The following USP19 variants were observed in gnomAD, a reference collection of about 807,000 sequenced individuals.
USP19 encodes ubiquitin specific peptidase 19.
Under a neutral mutation model 144.8 loss-of-function variants are expected in USP19, and 40 were observed. That is an observed-to-expected ratio of 0.28 (90% CI 0.21 to 0.36). The LOEUF (loss-of-function observed/expected upper bound fraction) is 0.36. Ranked by LOEUF, USP19 falls within the 10% of genes least tolerant of loss-of-function variation. USP19 has a pLI of 1.00. For synonymous variants in USP19, 701 were observed against 709.3 expected (o/e 0.99, Z 0.19); for missense variants, 1,518 against 1,822.5 (o/e 0.83, Z 3.04).
At position 49,117,938 on chromosome 3, in the gene USP19, G is replaced by A. The variant is rs1157954474; in HGVS notation, c.298+9C>T. 3.1e-6 allele frequency: 5 copies of A among 1,612,890 alleles called. No homozygotes were observed. The highest frequency in any genetic ancestry group is 1.1e-5 in the South Asian group (1 of 90,998). ...TTCCCTAGCAACAAAAAGCCCATTC[G>A]TTACTGACCCTCTTTGGTCTGCTCC... is the stretch of plus-strand genomic sequence containing the variant. On this transcript the variant is annotated intron_variant, in intron 3 of 26. Transcript: ENST00000417901. This position sits in a 1 kb window ranked among gnomAD's most constrained non-coding sequence, Gnocchi z 4.4.
chr3:49,119,360 G>A, intron 1 of USP19, 79 bp from the exon 2 acceptor site: 2 of 561,394 alleles, frequency 3.6e-6, no homozygotes, highest in South Asian at 2.3e-5. Context: ...AGCAACACAG[G>A]ACACTAATGC....
At position 49,116,241 on chromosome 3, in the gene USP19, G is replaced by A. The variant is rs2107492903; in HGVS notation, c.1355+39C>T. 1.2e-6 allele frequency: 2 copies of A among 1,613,628 alleles called. No individual in the cohort carries two copies. Among genetic ancestry groups the A allele is most frequent in the African/African-American group, 1.3e-5 (1 of 75,016 alleles). The stretch of plus-strand genomic sequence containing the variant: ...TGAGCCAGGGAGATGGAGCCCACGG[G>A]GTAGGACAGGCACAGTGGTGGGGCC... On this transcript the variant is annotated intron_variant, in intron 9 of 26. Coordinates refer to ENST00000417901, the MANE Select transcript of USP19 (RefSeq NM_001199161.2). The surrounding 1 kb of genome is among the most constrained non-coding windows in gnomAD (Gnocchi z 5.0).
In USP19 at chr3:49,108,799, C is replaced by A. The variant is rs2107163455; in HGVS notation, c.4039-271G>T. 9 of 1,438,590 alleles carry A rather than the reference C, an allele frequency of 6.3e-6. No homozygotes were observed. In the South Asian group the frequency reaches 1.4e-4, roughly 22 times the overall value. The allele number at this position is 1,438,590 out of a possible 1,614,324, so 89.1% of individuals were successfully genotyped here. A position where few individuals can be genotyped will look rare whatever the true frequency, so the allele number is the denominator to read the frequency against. The stretch of plus-strand genomic sequence containing the variant: ...ACAGACAGCCAGATGGATACACACC[C>A]TAGGATACTCTGCCCCTGCAGGGGC... On this transcript the variant is annotated intron_variant, in intron 26 of 26. Coordinates refer to ENST00000417901, the MANE Select transcript of USP19 (RefSeq NM_001199161.2). The surrounding 1 kb of genome is among the most constrained non-coding windows in gnomAD (Gnocchi z 4.8).
chr3:49,109,067 G>A (rs746494467), intron 26 of USP19: 3 of 1,610,110 alleles, frequency 1.9e-6, no homozygotes, highest in South Asian at 2.2e-5. Context: ...CTCATCTGGT[G>A]TGGTAGGGCC....
Position 49,119,175 on chromosome 3 carries a change from C to T in USP19, c.-30G>A. ...AGCCGCTTGGTCGACAGCCAGAGTG[C>T]CCCGGGGTCGGCAACAGCGTCTGGG... is the stretch of plus-strand genomic sequence containing the variant. On this transcript the variant is annotated 5_prime_UTR_variant, in exon 2 of 27. Transcript: ENST00000417901. 6.2e-7 allele frequency: 1 copy of T among 1,601,060 alleles called. No individual in the cohort carries two copies. Among genetic ancestry groups the T allele is most frequent in the East Asian group, 2.2e-5 (1 of 44,594 alleles).
chr3:49,113,630 C>A (rs1024724055), intron 17 of USP19, among the ~76,000 whole-genome samples: 3 of 152,012 alleles, frequency 2.0e-5, no homozygotes, highest in African/African-American at 7.3e-5. Flanking sequence ...CAGAGTCTCA[C>A]TCTGTCACCC....
At position 49,112,508 on chromosome 3, in the gene USP19, A is replaced by G. The variant is rs1482650532; in HGVS notation, c.2627T>C (p.Val876Ala). ...LSSELAKERV[V>A]VLEVQQRPQV... ...ACTCACCTGTTGCACCTCTAGCACCACTACCCGCTCCTTAGCCAACTCTGA... is the reference window on the plus strand; with the variant it reads ...ACTCACCTGTTGCACCTCTAGCACCGCTACCCGCTCCTTAGCCAACTCTGA... Residue 876 changes from valine to alanine, a missense_variant, in exon 18 of 27, where the codon GTG becomes GCG. Val to Ala is a moderately conservative substitution (Grantham distance 64). Transcript: ENST00000417901. The surrounding 1 kb of genome is among the most constrained non-coding windows in gnomAD (Gnocchi z 4.9). The G allele has an allele frequency of 1.2e-5, 19 of 1,613,764 alleles. No homozygotes were observed. Among genetic ancestry groups the G allele is most frequent in the Non-Finnish European group, 1.6e-5 (19 of 1,179,850 alleles).
rs1299660536 is a variant in USP19, at chr3:49,115,843, C to T, written c.1573G>A (p.Ala525Thr). 6.2e-7 allele frequency: 1 copy of T among 1,611,416 alleles called. No homozygotes were observed. Among genetic ancestry groups the T allele is most frequent in the African/African-American group, 1.3e-5 (1 of 74,714 alleles). The part of the protein sequence containing the change: ...APHPLTGQEE[A>T]RAVEKDKSKA... ...GATTTATCCTTCTCCACAGCCCGGG[C>T]CTCCTCCTGGCCTGTCAGGGGGTGG... The change falls in exon 11 of 27, where the codon GCC (alanine) becomes ACC (threonine). Residue 525 changes from alanine to threonine, a missense_variant. Coordinates refer to ENST00000417901, the MANE Select transcript of USP19 (RefSeq NM_001199161.2). The surrounding 1 kb of genome is among the most constrained non-coding windows in gnomAD (Gnocchi z 6.6).
In USP19 at chr3:49,111,299, T is replaced by C; in HGVS notation, c.3284A>G (p.Tyr1095Cys). Residue 1095 changes from tyrosine to cysteine, a missense_variant, in exon 22 of 27, where the codon TAT becomes TGT. Tyr to Cys is a radical substitution (Grantham distance 194). Around this residue, in one of 5 missense-constraint regions of USP19, gnomAD observed 413 missense variants for 515.8 expected, o/e 0.80. Coordinates refer to ENST00000417901, the MANE Select transcript of USP19 (RefSeq NM_001199161.2). The surrounding 1 kb of genome is among the most constrained non-coding windows in gnomAD (Gnocchi z 5.9). ...MNAHTPQFFI[Y>C]KIDSSNREQR... ...CTCTCGGTTGGATGAATCAATTTTA[T>C]AGATGAAGAACTGGGGTGTGTGGGC... The C allele has an allele frequency of 5.0e-6, 8 of 1,614,198 alleles. No individual in the cohort carries two copies. Among genetic ancestry groups the C allele is most frequent in the Non-Finnish European group, 4.2e-6 (5 of 1,180,036 alleles).
At chr3:49,113,802 C>T (rs2043603593) in intron 17 of USP19, among the ~76,000 whole-genome samples, 190 bp downstream of exon 17, 1 of 152,098 alleles carries the variant, frequency 6.6e-6, no homozygotes, top group African/African-American at 2.4e-5. Flanking sequence ...CCAAGTTGCC[C>T]AGGCTGGTCC....
chr3:49,115,390 A>C lies in USP19; in HGVS notation c.1889-29T>G, dbSNP rs1293273366. 1 of 1,614,012 alleles carries C rather than the reference A, an allele frequency of 6.2e-7. No homozygotes were observed. Among genetic ancestry groups the C allele is most frequent in the Non-Finnish European group, 8.5e-7 (1 of 1,179,972 alleles). On this transcript the variant is annotated intron_variant, in intron 12 of 26. Transcript: ENST00000417901. This position sits in a 1 kb window ranked among gnomAD's most constrained non-coding sequence, Gnocchi z 6.6. The stretch of plus-strand genomic sequence containing the variant: ...GGAATAGTAGCCGAGCAAAGGTGTG[A>C]GGAACAAAGGCACTCTCTCTGCCCA...
In USP19 at chr3:49,118,111, G is replaced by A. The variant is rs1314338424; in HGVS notation, c.134C>T (p.Ser45Phe). ...KDGDPRKETG[S>F]RYVAQAGLEP... ...AAGACCAGCCTGGGCAACATATCGAGACCCTGTCTCTAAAAAAAAAATAAG... is the reference window on the plus strand; with the variant it reads ...AAGACCAGCCTGGGCAACATATCGAAACCCTGTCTCTAAAAAAAAAATAAG... Residue 45 changes from serine to phenylalanine, a missense_variant, in exon 3 of 27, where the codon TCT becomes TTT. Physicochemically the swap from Ser to Phe is radical, Grantham distance 155. Around this residue, in one of 5 missense-constraint regions of USP19, gnomAD observed 707 missense variants for 728.9 expected, o/e 0.97. Coordinates refer to ENST00000417901, the MANE Select transcript of USP19 (RefSeq NM_001199161.2). 1 of 1,301,920 alleles carries A rather than the reference G, an allele frequency of 7.7e-7. No individual in the cohort carries two copies. Among genetic ancestry groups the A allele is most frequent in the African/African-American group, 1.5e-5 (1 of 66,592 alleles). 80.6% of individuals were successfully genotyped at this position (1,301,920 alleles called of 1,614,324 possible).
At position 49,112,728 on chromosome 3, in the gene USP19, G is replaced by A; in HGVS notation, c.2506-99C>T. 6.7e-7 allele frequency: 1 copy of A among 1,500,636 alleles called. No homozygotes were observed. Among genetic ancestry groups the A allele is most frequent in the Non-Finnish European group, 8.9e-7 (1 of 1,118,722 alleles). 93.0% of individuals were successfully genotyped at this position (1,500,636 alleles called of 1,614,324 possible). On this transcript the variant is annotated intron_variant, in intron 17 of 26. Transcript: ENST00000417901. The surrounding 1 kb of genome is among the most constrained non-coding windows in gnomAD (Gnocchi z 4.9). The stretch of plus-strand genomic sequence containing the variant: ...GCTTGGCCCTGCCTTGGGTCTATGT[G>A]GGCAGTGGTGAGGTCTGTAGGCCCA...
rs750787414 is a variant in USP19 at position 49,117,543 on chromosome 3, T to C, written c.500A>G (p.Tyr167Cys). Reference protein sequence around the residue: ...AGGQQWGGVFYAEIKSSCAKV... With the variant: ...AGGQQWGGVFCAEIKSSCAKV... Reference sequence around the variant, plus strand: ...AGCACAAGAGCTTTTTATCTCAGCATAGAAGACACCACCCCACTGCTGACC... The same window carrying C: ...AGCACAAGAGCTTTTTATCTCAGCACAGAAGACACCACCCCACTGCTGACC... The change falls in exon 5 of 27, where the codon TAT (tyrosine) becomes TGT (cysteine). Residue 167 changes from tyrosine (Y) to cysteine (C), a missense_variant. This residue lies in a region of USP19 where 707 missense variants were observed against 728.9 expected (regional missense o/e 0.97). Transcript: ENST00000417901. This position sits in a 1 kb window ranked among gnomAD's most constrained non-coding sequence, Gnocchi z 4.4. 6 of 1,613,970 alleles carry C rather than the reference T, an allele frequency of 3.7e-6. No homozygotes were observed. Among genetic ancestry groups the C allele is most frequent in the Admixed American group, 3.3e-5 (2 of 60,008 alleles).
At position 49,116,869 on chromosome 3, in the gene USP19, T is replaced by C; in HGVS notation, c.984A>G (p.Leu328=). ...CTGCTTTCTCTCCTGCCAAAGGGGC[T>C]AAATTCTCCTCTGAGCCCAGGAGGC... The part of the protein sequence containing the change: ...QTCLLGSEEN[L]APLAGEKAVP... The change falls in exon 7 of 27, where the codon TTA becomes TTG. Residue 328 remains leucine, a synonymous_variant. Coordinates refer to ENST00000417901, the MANE Select transcript of USP19 (RefSeq NM_001199161.2). This position sits in a 1 kb window ranked among gnomAD's most constrained non-coding sequence, Gnocchi z 5.0. The C allele has an allele frequency of 3.1e-6, 5 of 1,614,140 alleles. No individual in the cohort carries two copies. The highest frequency in any genetic ancestry group is 4.2e-6 in the Non-Finnish European group (5 of 1,180,020).
chr3:49,114,812 A>C lies in USP19; in HGVS notation c.2243T>G (p.Leu748Arg). Residue 748 changes from leucine to arginine, a missense_variant, in exon 15 of 27, where the codon CTA (leucine) becomes CGA (arginine). This residue lies in a region of USP19 where 158 missense variants were observed against 277.3 expected (regional missense o/e 0.57). Coordinates refer to ENST00000417901, the MANE Select transcript of USP19 (RefSeq NM_001199161.2). The surrounding 1 kb of genome is among the most constrained non-coding windows in gnomAD (Gnocchi z 4.5). Reference sequence around the variant, plus strand: ...CTTCGACTTGTACTGCCCCTGAAATAGGTCCACGATGAAAGAGTCATTCCT... The same window carrying C: ...CTTCGACTTGTACTGCCCCTGAAATCGGTCCACGATGAAAGAGTCATTCCT... ...KMRNDSFIVD[L>R]FQGQYKSKLV... is the part of the protein sequence containing the mutation. 1 of 1,614,176 alleles carries C rather than the reference A, an allele frequency of 6.2e-7. No homozygotes were observed.
At chr3:49,109,090 G>A in intron 26 of USP19, 2 of 1,596,334 alleles carry the variant, frequency 1.3e-6, no homozygotes, top group African/African-American at 1.3e-5. Context: ...GTGGTAGGGG[G>A]CCCACCCAGT....
rs775523794 is a variant in USP19 at position 49,112,515 on chromosome 3, G to A, written c.2620C>T (p.Arg874Trp). The A allele has an allele frequency of 1.9e-5, 31 of 1,613,758 alleles. No individual in the cohort carries two copies. The highest frequency in any genetic ancestry group is 8.0e-5 in the African/African-American group (6 of 74,888). ...TGTTGCACCTCTAGCACCACTACCC[G>A]CTCCTTAGCCAACTCTGAGGATAGC... Reference protein sequence around the residue: ...ELLSSELAKERVVVLEVQQRP... With the variant: ...ELLSSELAKEWVVVLEVQQRP... Residue 874 changes from arginine (R) to tryptophan (W), a missense_variant, in exon 18 of 27, where the codon CGG becomes TGG. This residue lies in a region of USP19 where 413 missense variants were observed against 515.8 expected (regional missense o/e 0.80). Transcript: ENST00000417901. This position sits in a 1 kb window ranked among gnomAD's most constrained non-coding sequence, Gnocchi z 4.9.
Position 49,108,792 on chromosome 3 carries a change from A to G in USP19, c.4039-264T>C. ...TGAATGGACAGACAGCCAGATGGAT[A>G]CACACCCTAGGATACTCTGCCCCTG... On this transcript the variant is annotated intron_variant, in intron 26 of 26. Coordinates refer to ENST00000417901, the MANE Select transcript of USP19 (RefSeq NM_001199161.2). This position sits in a 1 kb window ranked among gnomAD's most constrained non-coding sequence, Gnocchi z 4.8. 1 of 1,420,586 alleles carries G rather than the reference A, an allele frequency of 7.0e-7. No individual in the cohort carries two copies. Among genetic ancestry groups the G allele is most frequent in the South Asian group, 1.6e-5 (1 of 63,386 alleles). The allele number at this position is 1,420,586 out of a possible 1,614,324, so 88.0% of individuals were successfully genotyped here.
Sources: gnomAD v4.1 joint callset for allele counts (sites outside exome capture counted in the v4.1 genomes callset) on GRCh38, gnomAD v4.1.1 for gene constraint, gnomAD v4.1.1 regional missense constraint, Gnocchi (gnomAD v3.1) non-coding constraint, MANE v1.5 for transcripts, NCBI Gene and HGNC (gene_info 2026-07-23, HGNC 2026-07-21) for gene names.